The following QARS1 variants were observed in gnomAD, a reference collection of about 807,000 sequenced individuals.
The protein encoded by QARS1 is glutaminyl-tRNA synthetase 1.
In QARS1, 79 loss-of-function variants were observed where a neutral mutation model predicts 106.9. That is an observed-to-expected ratio of 0.74 (90% CI 0.62 to 0.89). The LOEUF is 0.89. Ranked by LOEUF, QARS1 falls within the 40% of genes least tolerant of loss-of-function variation. The probability of loss-of-function intolerance (pLI) is 0.00; values close to 1 mark genes in which losing one functional copy is unlikely to be tolerated. For missense variants in QARS1, 966 were observed against 997.2 expected, an observed-to-expected ratio of 0.97 and a Z score of 0.42; for synonymous variants, 395 against 367.7, an observed-to-expected ratio of 1.07 and a Z score of -0.85.
rs2042438780 is a variant in QARS1 at position 49,099,550 on chromosome 3, T to TA, written c.1485dup (p.Lys496Ter). The TA allele has an allele frequency of 1.3e-5, 21 of 1,614,142 alleles. No individual in the cohort carries two copies. The East Asian group carries it at 4.5e-4, about 34-fold the overall frequency. ...GCTACAAGCTGGAGGATCTTCCTCT[T>TA]AGAGACAACAGCATAGTGCAGGTTG... On this transcript the variant is annotated frameshift_variant, in exon 16 of 24. Transcript: ENST00000306125. LOFTEE classifies it high-confidence loss of function.
chr3:49,103,290 A>T, intron 5 of QARS1, 55 bp downstream of exon 5: 1 of 1,579,708 alleles, frequency 6.3e-7, no homozygotes. Flanking sequence ...AGTGGATTCC[A>T]GGCTCTGTTC....
intron 9 of QARS1, 51 bp downstream of exon 9, chr3:49,101,569 C>T: frequency 6.2e-7 from 1 of 1,604,730 alleles, no homozygotes; most frequent in Non-Finnish European, 8.5e-7. Context: ...AGCCCAGGCA[C>T]TCAGGCAGGT....
chr3:49,104,129 G>A, intron 2 of QARS1, 157 bp from the exon 3 acceptor site: 1 of 1,122,568 alleles, frequency 8.9e-7, no homozygotes, highest in Non-Finnish European at 1.3e-6. Context: ...AGAAGCACGT[G>A]TCGAGAGTGG....
At position 49,099,606 on chromosome 3, in the gene QARS1, T is replaced by A; in HGVS notation, c.1430A>T (p.Tyr477Phe). 1 of 1,614,064 alleles carries A rather than the reference T, an allele frequency of 6.2e-7. No individual in the cohort carries two copies. The highest frequency in any genetic ancestry group is 8.5e-7 in the Non-Finnish European group (1 of 1,179,950). ...YFWLCNALDV[Y>F]CPVQWEYGRL... ...GCCATACTCCCACTGCACAGGGCAA[T>A]AGACGTCCAGTGCATTGCAAAGCCA... Residue 477 changes from tyrosine to phenylalanine, a missense_variant, in exon 16 of 24, where the codon TAT becomes TTT. Tyr to Phe is a conservative substitution (Grantham distance 22). Coordinates refer to ENST00000306125, the MANE Select transcript of QARS1 (RefSeq NM_005051.3).
rs2107100228 is a variant in QARS1, at chr3:49,099,542, C to A, written c.1494G>T (p.Lys498Asn). The A allele has an allele frequency of 6.2e-7, 1 of 1,614,204 alleles. No individual in the cohort carries two copies. Reference sequence around the variant, plus strand: ...CACCAGTTGCTACAAGCTGGAGGATCTTCCTCTTAGAGACAACAGCATAGT... The same window carrying A: ...CACCAGTTGCTACAAGCTGGAGGATATTCCTCTTAGAGACAACAGCATAGT... ...NLHYAVVSKR[K>N]ILQLVATGAV... is the part of the protein sequence containing the mutation. The change falls in exon 16 of 24, where the codon AAG becomes AAT. Residue 498 changes from lysine (K) to asparagine (N), a missense_variant. By Grantham distance (94) the Lys-to-Asn change is moderately conservative (BLOSUM62 0). Coordinates refer to ENST00000306125, the MANE Select transcript of QARS1 (RefSeq NM_005051.3).
Position 49,098,677 on chromosome 3 carries a change from A to G in QARS1, c.1879T>C (p.Phe627Leu), listed in dbSNP as rs1317330890. 18 of 1,601,958 alleles carry G rather than the reference A, an allele frequency of 1.1e-5. No individual in the cohort carries two copies. The highest frequency in any genetic ancestry group is 1.5e-5 in the Non-Finnish European group (18 of 1,174,664). Residue 627 changes from phenylalanine (F) to leucine (L), a missense_variant, in exon 20 of 24, where the codon TTT (phenylalanine) becomes CTT (leucine). Transcript: ENST00000306125. ...GGCTGGCCCCAAGCCAGGCGCTTAA[A>G]TCCTGGCTCTGGCTCCTAGAGATAG... ...TDFKEEPEPG[F>L]KRLAWGQPVG...
rs554429440 is a variant in QARS1 at position 49,100,085 on chromosome 3, G to T, written c.1171C>A (p.Arg391Ser). 1.2e-6 allele frequency: 2 copies of T among 1,614,058 alleles called. No homozygotes were observed. The highest frequency in any genetic ancestry group is 2.2e-5 in the South Asian group (2 of 91,088). The change falls in exon 14 of 24, where the codon CGC (arginine) becomes AGC (serine). Residue 391 changes from arginine to serine, a missense_variant. Coordinates refer to ENST00000306125, the MANE Select transcript of QARS1 (RefSeq NM_005051.3). ...TCGCCCTCTGAAAACTTGCCCTTGC[G>T]CATTGCCTGAGGGGAACAAGGACTC... ...EESLLLFEAM[R>S]KGKFSEGEAT... is the part of the protein sequence containing the mutation.
At chr3:49,097,868 A>T (rs2042411413) in intron 23 of QARS1, 124 bp downstream of exon 23, 1 of 1,373,076 alleles carries the variant, frequency 7.3e-7, no homozygotes, top group East Asian at 2.3e-5. Context: ...CACTAGTAGA[A>T]TATGAATACC....
Position 49,102,434 on chromosome 3 carries a change from C to T in QARS1, c.555G>A (p.Leu185=), listed in dbSNP as rs749942069. Reference sequence around the variant, plus strand: ...CCATCCCTACCTTGAACTTCTTCTCCAGATCAGCCTCCAACTTGGGGCCCA... The same window carrying T: ...CCATCCCTACCTTGAACTTCTTCTCTAGATCAGCCTCCAACTTGGGGCCCA... ...HLLGPKLEAD[L]EKKFKVAKAR... Residue 185 remains leucine (L), a synonymous_variant, in exon 6 of 24, where the codon CTG becomes CTA. Coordinates refer to ENST00000306125, the MANE Select transcript of QARS1 (RefSeq NM_005051.3). The T allele has an allele frequency of 6.2e-7, 1 of 1,614,174 alleles. No homozygotes were observed. The highest frequency in any genetic ancestry group is 8.5e-7 in the Non-Finnish European group (1 of 1,180,028).
At chr3:49,101,282 C>T (rs1308634092) in intron 10 of QARS1, 73 bp downstream of exon 10, 5 of 1,189,812 alleles carry the variant, frequency 4.2e-6, no homozygotes, top group Non-Finnish European at 4.9e-6. Flanking sequence ...GACAGCAAGG[C>T]AGGGATATGG....
chr3:49,103,926 A>G lies in QARS1; in HGVS notation c.312T>C (p.Thr104=), dbSNP rs1559970429. The change falls in exon 3 of 24, where the codon ACT becomes ACC. Residue 104 remains threonine, a synonymous_variant. Coordinates refer to ENST00000306125, the MANE Select transcript of QARS1 (RefSeq NM_005051.3). ...VRSHPLDPID[T]VDFERECGVG... is the part of the protein sequence containing the mutation. ...CGCCACATTCCCGCTCGAAGTCCAC[A>G]GTGTCGATGGGGTCCAAGGGGTGAC... 1.2e-6 allele frequency: 2 copies of G among 1,614,042 alleles called. No individual in the cohort carries two copies. The highest frequency in any genetic ancestry group is 1.7e-6 in the Non-Finnish European group (2 of 1,180,022).
chr3:49,101,573 G>A, intron 9 of QARS1, 47 bp downstream of exon 9: 1 of 1,606,082 alleles, frequency 6.2e-7, no homozygotes, highest in Non-Finnish European at 8.5e-7. Context: ...CAGGCACTCA[G>A]GCAGGTGTTT....
intron 14 of QARS1, 53 bp downstream of exon 14, chr3:49,099,908 T>C (rs959476335): frequency 6.2e-6 from 10 of 1,613,974 alleles, no homozygotes; most frequent in African/African-American, 4.0e-5. Flanking sequence ...CCCTACCCCA[T>C]GGCCCATCGC....
chr3:49,097,263 C>T (rs2042404667), intron 23 of QARS1: 1 of 152,018 alleles, frequency 6.6e-6, no homozygotes, highest in African/African-American at 2.4e-5. Context: ...TTCACACCAC[C>T]CTGGGCAAGA....
chr3:49,101,637 C>T lies in QARS1; in HGVS notation c.772G>A (p.Glu258Lys). 1 of 1,613,842 alleles carries T rather than the reference C, an allele frequency of 6.2e-7. No homozygotes were observed. Among genetic ancestry groups the T allele is most frequent in the Non-Finnish European group, 8.5e-7 (1 of 1,180,016 alleles). ...CCACACACCTGCCCACCAGTAATCT[C>T]CAGGTGCTGCTTTAGTAGATTCATG... ...HTMNLLKQHL[E>K]ITGGQVRTRF... The change falls in exon 9 of 24, where the codon GAG becomes AAG. Residue 258 changes from glutamate (E) to lysine (K), a missense_variant. Glu to Lys is a moderately conservative substitution (Grantham distance 56). Transcript: ENST00000306125.
chr3:49,099,231 G>C lies in QARS1; in HGVS notation c.1637C>G (p.Thr546Ser). ...TTCTAGAAGATGTGGCTCCATTGTGGTTTGTGCCACAGTCACTCCCACCTG... is the reference window on the plus strand; with the variant it reads ...TTCTAGAAGATGTGGCTCCATTGTGCTTTGTGCCACAGTCACTCCCACCTG... ...CARVGVTVAQ[T>S]TMEPHLLEAC... is the part of the protein sequence containing the mutation. The change falls in exon 18 of 24, where the codon ACC becomes AGC. Residue 546 changes from threonine (T) to serine (S), a missense_variant. Thr to Ser is a moderately conservative substitution (Grantham distance 58). Coordinates refer to ENST00000306125, the MANE Select transcript of QARS1 (RefSeq NM_005051.3). 1 of 1,614,102 alleles carries C rather than the reference G, an allele frequency of 6.2e-7. No homozygotes were observed. Among genetic ancestry groups the C allele is most frequent in the East Asian group, 2.2e-5 (1 of 44,882 alleles).
Position 49,101,699 on chromosome 3 carries a change from T to A in QARS1, c.710A>T (p.Asn237Ile), listed in dbSNP as rs1277563030. The A allele has an allele frequency of 6.2e-7, 1 of 1,613,970 alleles. No individual in the cohort carries two copies. The highest frequency in any genetic ancestry group is 1.3e-5 in the African/African-American group (1 of 74,896). The change falls in exon 9 of 24, where the codon AAC becomes ATC. Residue 237 changes from asparagine (N) to isoleucine (I), a missense_variant. Asn to Ile is a moderately radical substitution (Grantham distance 149, BLOSUM62 -3). Transcript: ENST00000306125. ...EALKFHKPGE[N>I]YKTPGYVVTP... is the part of the protein sequence containing the mutation. ...GACCACATAGCCTGGGGTCTTGTAG[T>A]TCTCACCTGCCAGGACCAGAATAAG...
chr3:49,099,694 CAGAG>C, intron 15 of QARS1, 47 bp from the exon 16 acceptor site: 1 of 1,613,548 alleles, frequency 6.2e-7, no homozygotes, highest in Non-Finnish European at 8.5e-7. Flanking sequence ...TGGAACCAGG[CAGAG>C]ACCACAGGAA....
chr3:49,100,796 G>T, intron 10 of QARS1, 122 bp from the exon 11 acceptor site: 2 of 848,650 alleles, frequency 2.4e-6, no homozygotes, highest in Non-Finnish European at 3.9e-6. Context: ...TTGAGATGGA[G>T]TCTTGATTAT....
Sources: allele counts gnomAD v4.1 joint callset, GRCh38; gene constraint gnomAD v4.1.1; transcripts MANE v1.5; gene names NCBI Gene and HGNC (gene_info 2026-07-23, HGNC 2026-07-21).